FHIT: variants seen among roughly 807,000 people sequenced by gnomAD.
FHIT encodes bis(5'-adenosyl)-triphosphatase.
A neutral mutation model predicts 17.9 loss-of-function variants in FHIT; 19 were observed. That is an observed-to-expected ratio of 1.06 (90% CI 0.74 to 1.56). The LOEUF (loss-of-function observed/expected upper bound fraction) is 1.56. Among genes scored for constraint, FHIT ranks in the 40% most tolerant of loss-of-function variants. The pLI is 0.00. For missense variants in FHIT, 248 were observed against 189.2 expected (o/e 1.31, Z -1.82); for synonymous variants, 81 against 69.7 (o/e 1.16, Z -0.81).
At chr3:59,887,074 G>A (rs1703654961) in intron 8 of FHIT, among the ~76,000 whole-genome samples, 1 of 133,754 alleles carries the variant, frequency 7.5e-6, no homozygotes, top group African/African-American at 2.7e-5. Context: ...AGGGAGGCTT[G>A]GAAGGGGGAA....
intron 3 of FHIT, among the ~76,000 whole-genome samples, chr3:60,861,119 A>C (rs370164472): frequency 1.3e-5 from 1 of 77,378 alleles, no homozygotes; most frequent in Non-Finnish European, 2.6e-5. Context: ...TATATCCTAT[A>C]TGTGTATATA....
chr3:61,090,768 T>C (rs973579712), intron 2 of FHIT, among the ~76,000 whole-genome samples: 2 of 152,144 alleles, frequency 1.3e-5, no homozygotes, highest in Non-Finnish European at 2.9e-5. Flanking sequence ...TGTCTAAAGA[T>C]AAACAAAAAT....
intron 5 of FHIT, among the ~76,000 whole-genome samples, chr3:60,411,853 T>G (rs1321396455): frequency 6.6e-6 from 1 of 152,124 alleles, no homozygotes; most frequent in Non-Finnish European, 1.5e-5. Context: ...GTAGAAACAA[T>G]TCCCAAAGAG....
intron 5 of FHIT, among the ~76,000 whole-genome samples, chr3:60,270,188 C>T (rs1706795010): frequency 6.6e-6 from 1 of 152,126 alleles, no homozygotes; most frequent in Admixed American, 6.5e-5. Flanking sequence ...GCGCATGGAG[C>T]CCCAGCACAG....
At chr3:61,249,264 C>A (rs951853035) in intron 1 of FHIT, among the ~76,000 whole-genome samples, 2 of 152,104 alleles carry the variant, frequency 1.3e-5, no homozygotes, top group African/African-American at 4.8e-5. Flanking sequence ...AACTGTGTGA[C>A]CTTGGGCAAA....
chr3:60,172,529 G>C (rs192264580), intron 5 of FHIT, among the ~76,000 whole-genome samples: 250 of 152,072 alleles, frequency 1.6e-3, no homozygotes, highest in African/African-American at 5.9e-3. Context: ...GCCTGCCTTG[G>C]CCTCCCAAAG....
At chr3:61,013,216 T>A (rs1030084699) in intron 3 of FHIT, among the ~76,000 whole-genome samples, 9 of 152,158 alleles carry the variant, frequency 5.9e-5, no homozygotes, top group Non-Finnish European at 8.8e-5. Flanking sequence ...TCCTGCCTTG[T>A]TATTATTTCT....
chr3:60,458,725 T>A (rs906888058), intron 5 of FHIT, among the ~76,000 whole-genome samples: 1 of 151,530 alleles, frequency 6.6e-6, no homozygotes, highest in South Asian at 2.1e-4. Flanking sequence ...GATACAGGAG[T>A]CATACATCAT....
intron 5 of FHIT, among the ~76,000 whole-genome samples, chr3:60,127,305 G>A (rs1017643418): frequency 7.9e-5 from 12 of 152,262 alleles, no homozygotes; most frequent in African/African-American, 1.9e-4. Context: ...CCCAGCCTAC[G>A]CATTTCTATC....
chr3:59,790,221 T>G (rs1168940635), intron 8 of FHIT, among the ~76,000 whole-genome samples: 4 of 152,238 alleles, frequency 2.6e-5, no homozygotes, highest in Non-Finnish European at 5.9e-5. Flanking sequence ...TTTCCTTTGC[T>G]TCCATACCAA....
At chr3:60,121,282 C>T (rs1454819724) in intron 5 of FHIT, among the ~76,000 whole-genome samples, 2 of 152,000 alleles carry the variant, frequency 1.3e-5, no homozygotes, top group Non-Finnish European at 2.9e-5. Flanking sequence ...TATATATAAT[C>T]GATAATATGA....
At chr3:59,807,033 C>T (rs762988536) in intron 8 of FHIT, among the ~76,000 whole-genome samples, 1 of 152,082 alleles carries the variant, frequency 6.6e-6, no homozygotes, top group Non-Finnish European at 1.5e-5. Context: ...CTTCAGTGGG[C>T]TAGTATGGGA....
intron 5 of FHIT, among the ~76,000 whole-genome samples, chr3:60,161,323 TCTGC>T (rs1241654336): frequency 1.3e-5 from 2 of 152,188 alleles, no homozygotes; most frequent in Non-Finnish European, 2.9e-5. Flanking sequence ...CGGCACAACG[TCTGC>T]CTGCCTGCCA....
intron 4 of FHIT, among the ~76,000 whole-genome samples, chr3:60,619,743 G>A (rs1553677634): frequency 6.6e-6 from 1 of 151,904 alleles, no homozygotes; most frequent in Non-Finnish European, 1.5e-5. Flanking sequence ...AGAAAGTTCA[G>A]CTGATCTTGA....
intron 2 of FHIT, among the ~76,000 whole-genome samples, chr3:61,121,291 G>T (rs189577192): frequency 3.3e-5 from 5 of 152,028 alleles, no homozygotes; most frequent in Non-Finnish European, 5.9e-5. Context: ...ACACATAATC[G>T]TCAGATTCAC....
chr3:60,690,174 A>T (rs2107883184), intron 4 of FHIT: 1 of 462,616 alleles, frequency 2.2e-6, no homozygotes, highest in East Asian at 4.9e-5. Context: ...TGCTCCCCTG[A>T]GCAACAGAAG....
chr3:61,098,980 G>T (rs1236593620), intron 2 of FHIT, among the ~76,000 whole-genome samples: 2 of 152,170 alleles, frequency 1.3e-5, no homozygotes, highest in Non-Finnish European at 2.9e-5. Context: ...GTGAGAGAGG[G>T]CATCGTTGTC....
intron 5 of FHIT, among the ~76,000 whole-genome samples, chr3:60,299,550 G>A (rs1223617537): frequency 6.6e-6 from 1 of 152,042 alleles, no homozygotes; most frequent in Non-Finnish European, 1.5e-5. Context: ...TTGCCTGCCT[G>A]GGAAACATTG....
chr3:60,012,774 G>C (rs112840479), intron 6 of FHIT, among the ~76,000 whole-genome samples: 3 of 152,110 alleles, frequency 2.0e-5, no homozygotes, highest in Non-Finnish European at 4.4e-5. Flanking sequence ...TTGCATATAC[G>C]AAAGTACTCT....
Sources: gnomAD v4.1 joint callset for allele counts (sites outside exome capture counted in the v4.1 genomes callset) on GRCh38, gnomAD v4.1.1 for gene constraint, MANE v1.5 for transcripts, NCBI Gene and HGNC (gene_info 2026-07-23, HGNC 2026-07-21) for gene names.